Variants in GFOD1 observed in about 807,000 individuals in gnomAD.
GFOD1 encodes the protein Gfo/Idh/MocA-like oxidoreductase domain containing 1, also known as glucose-fructose oxidoreductase domain-containing protein 1.
A neutral mutation model predicts 25.4 loss-of-function variants in GFOD1; 9 were observed. The ratio of observed to expected loss-of-function variants is 0.35; its 90% CI spans 0.21 to 0.62. The LOEUF is 0.62. Among genes scored for constraint, GFOD1 ranks in the 20% least tolerant of loss-of-function variants. GFOD1 has a pLI of 0.72. For missense variants in GFOD1, 403 were observed against 556.9 expected, an observed-to-expected ratio of 0.72 and a Z score of 2.78; for synonymous variants, 253 against 245.6, an observed-to-expected ratio of 1.03 and a Z score of -0.28.
At chr6:13,407,949 A>G in intron 1 of GFOD1, 1 of 985,414 alleles carries the variant, frequency 1.0e-6, no homozygotes, top group Non-Finnish European at 1.2e-6. Flanking sequence ...ACCAAAGAGC[A>G]GAAGTTCACA....
Position 13,364,956 on chromosome 6 carries a change from C to T in GFOD1, c.960G>A (p.Gln320=). 1.2e-6 allele frequency: 2 copies of T among 1,610,662 alleles called. No homozygotes were observed. The highest frequency in any genetic ancestry group is 3.3e-5 in the Admixed American group (2 of 60,006). Residue 320 remains glutamine (Q), a synonymous_variant, in exon 2 of 2, where the codon CAG becomes CAA. Transcript: ENST00000379287. This position sits in a 1 kb window ranked among gnomAD's most constrained non-coding sequence, Gnocchi z 4.1. ...MQAVRQAFQD[Q]DDRRTWDGRP... is the part of the protein sequence containing the mutation. ...GCCCATCCCACGTGCGCCGGTCGTC[C>T]TGGTCCTGGAAGGCCTGGCGCACCG... is the stretch of plus-strand genomic sequence containing the variant.
intron 1 of GFOD1, among the ~76,000 whole-genome samples, chr6:13,366,691 C>T (rs1282277023): frequency 6.6e-6 from 1 of 151,710 alleles, no homozygotes; most frequent in Non-Finnish European, 1.5e-5. Flanking sequence ...ACAGGGGTCT[C>T]CTTATATTGT....
Position 13,362,690 on chromosome 6 carries a change from C to T in GFOD1, c.*2053G>A, listed in dbSNP as rs1784966412. On this transcript the variant is annotated 3_prime_UTR_variant, in exon 2 of 2. Transcript: ENST00000379287. ...CCACCCTGCAGTGCTGTAGCAAAGC[C>T]TCGGGAAGCAGGGCGACTCTTTCCA... The T allele has an allele frequency of 6.6e-6, 1 of 152,232 alleles. No individual in the cohort carries two copies. Among genetic ancestry groups the T allele is most frequent in the African/African-American group, 2.4e-5 (1 of 41,438 alleles). The allele number at this position is 152,232 out of a possible 1,614,324, so 9.4% of individuals were successfully genotyped here.
chr6:13,468,520 C>T (rs761665993), intron 1 of GFOD1, among the ~76,000 whole-genome samples: 77 of 152,112 alleles, frequency 5.1e-4, no homozygotes, highest in Non-Finnish European at 9.8e-4. Flanking sequence ...AGAAGTCAAC[C>T]GCCTCGTTTT....
chr6:13,457,530 C>G (rs911129724), intron 1 of GFOD1, among the ~76,000 whole-genome samples: 1 of 152,142 alleles, frequency 6.6e-6, no homozygotes, highest in Admixed American at 6.5e-5. Flanking sequence ...TGTCACACAC[C>G]CAGGGATGAT....
At chr6:13,470,118 C>A in intron 1 of GFOD1, 6 of 1,462,082 alleles carry the variant, frequency 4.1e-6, no homozygotes, top group Non-Finnish European at 5.5e-6. Context: ...ATAAATACTG[C>A]AGTTGGAAAA....
chr6:13,482,443 A>G (rs527776734), intron 1 of GFOD1, among the ~76,000 whole-genome samples: 1 of 152,226 alleles, frequency 6.6e-6, no homozygotes, highest in African/African-American at 2.4e-5. Context: ...ACTGTGTAAA[A>G]GGTTTTTAAA....
At chr6:13,481,558 T>TACACACAC (rs55888360) in intron 1 of GFOD1, among the ~76,000 whole-genome samples, 6 of 150,678 alleles carry the variant, frequency 4.0e-5, no homozygotes, top group African/African-American at 1.5e-4. Context: ...AGTGATACCT[T>TACACACAC]ACACACACAC....
intron 1 of GFOD1, among the ~76,000 whole-genome samples, chr6:13,436,194 G>A (rs545669338): frequency 6.6e-5 from 10 of 152,256 alleles, no homozygotes; most frequent in African/African-American, 1.9e-4. Context: ...TGAGCTAAAA[G>A]TATACAAACA....
intron 1 of GFOD1, among the ~76,000 whole-genome samples, chr6:13,463,288 G>A (rs1167476276): frequency 6.6e-6 from 1 of 152,126 alleles, no homozygotes; most frequent in Non-Finnish European, 1.5e-5. Flanking sequence ...GGGTCTCACT[G>A]CCAATTAGCG....
intron 1 of GFOD1, among the ~76,000 whole-genome samples, chr6:13,473,561 A>G (rs1758552774): frequency 6.6e-6 from 1 of 152,228 alleles, no homozygotes; most frequent in African/African-American, 2.4e-5. Flanking sequence ...AGTGACACTT[A>G]CTGCTGATGA....
chr6:13,460,965 C>A (rs1312521585), intron 1 of GFOD1, among the ~76,000 whole-genome samples: 1 of 152,178 alleles, frequency 6.6e-6, no homozygotes, highest in African/African-American at 2.4e-5. Context: ...TCAAGAAGGC[C>A]CTCAGCAGAC....
At chr6:13,406,625 C>T (rs1038974600) in intron 1 of GFOD1, among the ~76,000 whole-genome samples, 5 of 152,156 alleles carry the variant, frequency 3.3e-5, no homozygotes, top group Non-Finnish European at 7.3e-5. Flanking sequence ...ATGCTAAGTG[C>T]AAAGATCTAG....
intron 1 of GFOD1, among the ~76,000 whole-genome samples, chr6:13,385,970 C>T (rs541402516): frequency 3.9e-5 from 6 of 152,226 alleles, no homozygotes; most frequent in Admixed American, 3.9e-4. Context: ...CCTTTCACTC[C>T]GTCTTTCCCT....
At chr6:13,392,343 C>CAAAAAAAAAAAA (rs1035923592) in intron 1 of GFOD1, among the ~76,000 whole-genome samples, 1 of 61,522 alleles carries the variant, frequency 1.6e-5, no homozygotes, top group Non-Finnish European at 3.3e-5. Flanking sequence ...GACCCTATCT[C>CAAAAAAAAAAAA]AAAAAAAAAA....
chr6:13,451,100 G>A (rs992112403), intron 1 of GFOD1, among the ~76,000 whole-genome samples: 5 of 152,224 alleles, frequency 3.3e-5, no homozygotes, highest in African/African-American at 1.2e-4. Flanking sequence ...GGCAACTCCT[G>A]CCGGAGTTTT....
In GFOD1 at chr6:13,381,915, G is replaced by GCGCACA. The variant is rs748305101; in HGVS notation, c.254-16254_254-16253insTGTGCG. Reference sequence around the variant, plus strand: ...AGAAATAAAACACACACGCGCGCGCGCACACACACACACACACACACACAC... The same window carrying GCGCACA: ...AGAAATAAAACACACACGCGCGCGCGCGCACACACACACACACACACACACACACAC... On this transcript the variant is annotated intron_variant, in intron 1 of 1. Transcript: ENST00000379287. 1.4e-3 allele frequency among the ~76,000 whole-genome samples: 194 copies of GCGCACA among 140,134 alleles called. 3 individuals are homozygous for GCGCACA. Among genetic ancestry groups the GCGCACA allele is most frequent in the African/African-American group, 5.3e-3 (179 of 33,652 alleles). The allele number at this position is 140,134 out of a possible 152,430, so 91.9% of individuals were successfully genotyped here. A position where few individuals can be genotyped will look rare whatever the true frequency, so the allele number is the denominator to read the frequency against.
intron 1 of GFOD1, among the ~76,000 whole-genome samples, chr6:13,421,727 T>G (rs985889795): frequency 6.6e-6 from 1 of 152,174 alleles, no homozygotes; most frequent in Admixed American, 6.5e-5. Context: ...TCAGCATTTT[T>G]AGGATCTATT....
intron 1 of GFOD1, among the ~76,000 whole-genome samples, chr6:13,427,365 A>G (rs1757657874): frequency 2.0e-5 from 3 of 152,222 alleles, no homozygotes; most frequent in Admixed American, 2.0e-4. Flanking sequence ...TGATGATAAA[A>G]AAGGACTTTG....
Sources: allele counts gnomAD v4.1 joint callset (sites outside exome capture counted in the v4.1 genomes callset), GRCh38; gene constraint gnomAD v4.1.1; non-coding constraint Gnocchi (gnomAD v3.1); transcripts MANE v1.5; gene names NCBI Gene and HGNC (gene_info 2026-07-23, HGNC 2026-07-21).